The following PTPRQ variants were observed in gnomAD, a reference collection of about 807,000 sequenced individuals.
PTPRQ encodes the protein protein tyrosine phosphatase receptor type Q.
A neutral mutation model predicts 246.0 loss-of-function variants in PTPRQ; 199 were observed. The observed-to-expected ratio is 0.81, with a 90% CI of 0.72 to 0.91. The LOEUF is 0.91. Among genes scored for constraint, PTPRQ ranks in the 40% least tolerant of loss-of-function variants. The pLI is 0.00. For synonymous variants in PTPRQ, 869 were observed against 853.2 expected (o/e 1.02, Z -0.32); for missense variants, 2,624 against 2,528.4 (o/e 1.04, Z -0.81).
chr12:80,456,458 A>G (rs1371313611), intron 3 of PTPRQ, among the ~76,000 whole-genome samples: 5 of 152,326 alleles, frequency 3.3e-5, no homozygotes, highest in East Asian at 3.9e-4. Flanking sequence ...TTTTCTGTCA[A>G]TATGTACACA....
chr12:80,597,756 A>G (rs12319809), intron 26 of PTPRQ, among the ~76,000 whole-genome samples: 8,652 of 151,974 alleles, frequency 0.057, 764 homozygotes, highest in African/African-American at 0.18. Context: ...ACTGTTAATT[A>G]CTAAGCCCCA....
chr12:80,628,618 T>C (rs1899297531), intron 33 of PTPRQ, among the ~76,000 whole-genome samples: 1 of 152,182 alleles, frequency 6.6e-6, no homozygotes, highest in Non-Finnish European at 1.5e-5. Context: ...ATTTGTTCAT[T>C]AGTAAATTTA....
At chr12:80,539,586 A>G (rs1196606702) in intron 19 of PTPRQ, among the ~76,000 whole-genome samples, 190 bp from the exon 20 acceptor site, 1 of 152,018 alleles carries the variant, frequency 6.6e-6, no homozygotes, top group Non-Finnish European at 1.5e-5. Flanking sequence ...ACCACCATCT[A>G]TTTCTCTTTT....
At chr12:80,666,864 A>G (rs1419431466) in intron 39 of PTPRQ, among the ~76,000 whole-genome samples, 1 of 151,770 alleles carries the variant, frequency 6.6e-6, no homozygotes, top group Admixed American at 6.6e-5. Context: ...ACTTCTCACC[A>G]TCTCCATTGA....
intron 17 of PTPRQ, among the ~76,000 whole-genome samples, chr12:80,522,087 A>G (rs1214844081): frequency 6.6e-6 from 1 of 152,096 alleles, no homozygotes; most frequent in Non-Finnish European, 1.5e-5. Context: ...CATCCCTTGT[A>G]AGTTGGATTC....
intron 25 of PTPRQ, among the ~76,000 whole-genome samples, chr12:80,568,935 A>C (rs972883942): frequency 1.3e-5 from 2 of 152,148 alleles, no homozygotes; most frequent in African/African-American, 2.4e-5. Flanking sequence ...ACAAATTCAA[A>C]CTCTGTTTTG....
intron 35 of PTPRQ, among the ~76,000 whole-genome samples, chr12:80,646,111 A>G (rs767701105): frequency 2.6e-5 from 4 of 152,146 alleles, no homozygotes; most frequent in Non-Finnish European, 5.9e-5. Context: ...CCTTCCTTAT[A>G]TCAGTATCAA....
At chr12:80,524,726 T>C (rs1746920940) in intron 17 of PTPRQ, among the ~76,000 whole-genome samples, 1 of 152,082 alleles carries the variant, frequency 6.6e-6, no homozygotes, top group Non-Finnish European at 1.5e-5. Context: ...TTTTCAAAAA[T>C]ACCACAGAGA....
intron 25 of PTPRQ, among the ~76,000 whole-genome samples, chr12:80,581,117 T>G (rs774840908): frequency 2.0e-4 from 30 of 152,290 alleles, no homozygotes; most frequent in Admixed American, 2.0e-4. Flanking sequence ...CAGATGGGAT[T>G]AGCAAAGGGC....
chr12:80,514,771 T>C (rs1363152619), intron 17 of PTPRQ, among the ~76,000 whole-genome samples: 1 of 146,606 alleles, frequency 6.8e-6, no homozygotes, highest in Admixed American at 6.9e-5. Context: ...TACATATTAT[T>C]ATATATAATT....
At chr12:80,479,774 CAAAG>C (rs1893966492) in intron 8 of PTPRQ, among the ~76,000 whole-genome samples, 1 of 151,824 alleles carries the variant, frequency 6.6e-6, no homozygotes, top group Non-Finnish European at 1.5e-5. Flanking sequence ...TCAAAAGAGA[CAAAG>C]AAGGCCATTA....
chr12:80,634,813 C>G, intron 34 of PTPRQ, 132 bp from the exon 35 acceptor site: 1 of 1,313,876 alleles, frequency 7.6e-7, no homozygotes, highest in Non-Finnish European at 1.0e-6. Context: ...TATAAATTTG[C>G]AACATATTCA....
intron 26 of PTPRQ, among the ~76,000 whole-genome samples, chr12:80,602,822 A>G (rs960176108): frequency 1.3e-5 from 2 of 151,800 alleles, no homozygotes; most frequent in Non-Finnish European, 2.9e-5. Flanking sequence ...CACTTGAACC[A>G]GATATACTGC....
chr12:80,481,553 G>A (rs1894058349), intron 8 of PTPRQ, among the ~76,000 whole-genome samples: 1 of 151,998 alleles, frequency 6.6e-6, no homozygotes. Flanking sequence ...GGAAATAAAG[G>A]GCATTCAATT....
chr12:80,641,681 A>C (rs1444408596), intron 35 of PTPRQ, among the ~76,000 whole-genome samples: 1 of 152,196 alleles, frequency 6.6e-6, no homozygotes. Flanking sequence ...GTTAAACTGA[A>C]GATTTAATTG....
intron 38 of PTPRQ, among the ~76,000 whole-genome samples, chr12:80,654,879 T>C (rs1234625734): frequency 6.6e-6 from 1 of 151,370 alleles, no homozygotes; most frequent in Non-Finnish European, 1.5e-5. Flanking sequence ...TAATAATAAT[T>C]AATTTATAAT....
intron 3 of PTPRQ, among the ~76,000 whole-genome samples, chr12:80,455,691 C>T (rs528876347): frequency 4.0e-5 from 6 of 151,786 alleles, no homozygotes; most frequent in Admixed American, 6.6e-5. Context: ...CCCAGGTTCA[C>T]GCCATTCTCC....
rs183377254 is a variant in PTPRQ, at chr12:80,555,205, C to T, written c.4285+5471C>T. On this transcript the variant is annotated intron_variant, in intron 25 of 44. Transcript: ENST00000644991. ...TGCTGGTATTACAGGCGTGAGCCAC[C>T]GCTCCCAGCCTGCCCAGCTAATTTT... 2.2e-3 allele frequency among the ~76,000 whole-genome samples: 339 copies of T among 152,074 alleles called. 3 individuals are homozygous for T. The highest frequency in any genetic ancestry group is 3.7e-3 in the Admixed American group (56 of 15,266).
At chr12:80,547,042 T>C (rs2120860373) in intron 24 of PTPRQ, 1 of 176,710 alleles carries the variant, frequency 5.7e-6, no homozygotes, top group Non-Finnish European at 1.2e-5. Context: ...CAGTCACTTT[T>C]AACGGGCTGA....
Sources: allele counts gnomAD v4.1 joint callset (sites outside exome capture counted in the v4.1 genomes callset), GRCh38; gene constraint gnomAD v4.1.1; transcripts MANE v1.5; gene names NCBI Gene and HGNC (gene_info 2026-07-23, HGNC 2026-07-21).